ENTREP1: variants seen among roughly 807,000 people sequenced by gnomAD.
ENTREP1 encodes endosomal transmembrane epsin interactor 1.
At chr9:69,351,892 G>A in the ENTREP1 span, among the ~76,000 whole-genome samples, 1 of 152,022 alleles carries the variant, frequency 6.6e-6, no homozygotes, top group African/African-American at 2.4e-5. Flanking sequence ...CCATTCTATT[G>A]AAGTGTTTGA....
At chr9:69,365,678 C>G in the ENTREP1 span, among the ~76,000 whole-genome samples, 1 of 151,974 alleles carries the variant, frequency 6.6e-6, no homozygotes, top group Non-Finnish European at 1.5e-5. Flanking sequence ...ATCCCCCACA[C>G]CCCACATGCA....
At chr9:69,375,030 A>G in the ENTREP1 span, among the ~76,000 whole-genome samples, 2 of 152,244 alleles carry the variant, frequency 1.3e-5, no homozygotes, top group Non-Finnish European at 2.9e-5. Flanking sequence ...GATCATTTGT[A>G]TAATGAGTAA....
chr9:69,353,604 A>G, the ENTREP1 span, among the ~76,000 whole-genome samples: 1 of 152,224 alleles, frequency 6.6e-6, no homozygotes, highest in Non-Finnish European at 1.5e-5. Context: ...TCTAATATTC[A>G]GCCTATGTTT....
chr9:69,385,914 A>C, the ENTREP1 span: 1 of 1,612,862 alleles, frequency 6.2e-7, no homozygotes, highest in South Asian at 1.1e-5. Context: ...CAGGTCGAAG[A>C]GTGACCCTGT....
the ENTREP1 span, among the ~76,000 whole-genome samples, chr9:69,384,202 G>GAAA: frequency 4.0e-5 from 6 of 150,188 alleles, no homozygotes; most frequent in African/African-American, 1.5e-4. Context: ...TCTACAAACG[G>GAAA]AAAAAAAAAA....
the ENTREP1 span, among the ~76,000 whole-genome samples, chr9:69,367,680 A>AATAT: frequency 4.2e-5 from 2 of 47,348 alleles, no homozygotes; most frequent in East Asian, 5.4e-4. Context: ...CACATATATA[A>AATAT]ATATATATAT....
At chr9:69,371,360 G>C in the ENTREP1 span, 62,520 of 770,964 alleles carry the variant, frequency 0.081, 2,682 homozygotes, top group African/African-American at 0.099. Flanking sequence ...AAAAAAGTTT[G>C]TACATTGAAA....
chr9:69,385,854 A>G, the ENTREP1 span: 2 of 1,607,580 alleles, frequency 1.2e-6, no homozygotes, highest in Non-Finnish European at 1.7e-6. Context: ...TCCCAGTTCA[A>G]CCCTGGTGCG....
At chr9:69,343,926 T>C in the ENTREP1 span, among the ~76,000 whole-genome samples, 1 of 152,238 alleles carries the variant, frequency 6.6e-6, no homozygotes, top group Non-Finnish European at 1.5e-5. Context: ...GACCAACCAA[T>C]GTATACATAC....
the ENTREP1 span, chr9:69,383,758 A>AG: frequency 1.2e-6 from 2 of 1,614,182 alleles, no homozygotes; most frequent in Non-Finnish European, 1.7e-6. Context: ...GACCAGGAGC[A>AG]GGTACTGTCT....
the ENTREP1 span, chr9:69,329,611 C>T: frequency 8.1e-6 from 8 of 984,870 alleles, no homozygotes; most frequent in African/African-American, 3.5e-5. Flanking sequence ...CTGGTATCAC[C>T]GGTAAATCAC....
At chr9:69,339,065 G>A in the ENTREP1 span, among the ~76,000 whole-genome samples, 1 of 152,066 alleles carries the variant, frequency 6.6e-6, no homozygotes, top group Admixed American at 6.6e-5. Context: ...TGTTGCCCAG[G>A]CTGGAGTGTG....
the ENTREP1 span, among the ~76,000 whole-genome samples, chr9:69,374,382 T>A: frequency 2.0e-5 from 3 of 152,178 alleles, no homozygotes; most frequent in Non-Finnish European, 2.9e-5. Context: ...GGCACGGAGC[T>A]GCTGGATGAT....
chr9:69,369,456 A>C, the ENTREP1 span, among the ~76,000 whole-genome samples: 5 of 152,324 alleles, frequency 3.3e-5, no homozygotes, highest in Admixed American at 3.3e-4. Context: ...CCAACAGTGT[A>C]AAAGTGTTCC....
chr9:69,337,243 A>G, the ENTREP1 span, among the ~76,000 whole-genome samples: 1 of 151,230 alleles, frequency 6.6e-6, no homozygotes, highest in South Asian at 2.1e-4. Context: ...CCAAACCTCA[A>G]GTGATCCGCC....
At chr9:69,326,771 C>G in the ENTREP1 span, among the ~76,000 whole-genome samples, 1 of 151,082 alleles carries the variant, frequency 6.6e-6, no homozygotes, top group African/African-American at 2.4e-5. Context: ...CCCATGTTGC[C>G]CAGGCTGGTT....
At chr9:69,353,362 T>C in the ENTREP1 span, among the ~76,000 whole-genome samples, 1 of 152,260 alleles carries the variant, frequency 6.6e-6, no homozygotes, top group African/African-American at 2.4e-5. Flanking sequence ...TTAACTCTGA[T>C]GTGCCCTTCA....
the ENTREP1 span, among the ~76,000 whole-genome samples, chr9:69,370,442 A>G: frequency 6.6e-6 from 1 of 152,192 alleles, no homozygotes; most frequent in Non-Finnish European, 1.5e-5. Flanking sequence ...GTCAAGTCCA[A>G]TAGACACTGG....
the ENTREP1 span, among the ~76,000 whole-genome samples, chr9:69,335,089 C>CT: frequency 4.0e-5 from 6 of 151,838 alleles, no homozygotes; most frequent in African/African-American, 1.5e-4. Flanking sequence ...TTTTTTAGCT[C>CT]GTTTTTTATT....
Sources: gnomAD v4.1 joint callset for allele counts (sites outside exome capture counted in the v4.1 genomes callset) on GRCh38, gnomAD v4.1.1 for gene constraint, MANE v1.5 for transcripts, NCBI Gene and HGNC (gene_info 2026-07-23, HGNC 2026-07-21) for gene names.